ALG14: variants seen among roughly 807,000 people sequenced by gnomAD.
ALG14 encodes the protein ALG14 UDP-N-acetylglucosaminyltransferase subunit, also known as UDP-N-acetylglucosamine transferase subunit ALG14.
A neutral mutation model predicts 22.8 loss-of-function variants in ALG14; 17 were observed. The ratio of observed to expected loss-of-function variants is 0.75; its 90% CI spans 0.51 to 1.12. ALG14 has a LOEUF of 1.12. Ranked by LOEUF, ALG14 falls within the 50% of genes most tolerant of loss-of-function variation. The pLI is 0.00. For missense variants in ALG14, 288 were observed against 271.8 expected, an observed-to-expected ratio of 1.06 and a Z score of -0.42; for synonymous variants, 89 against 103.7, an observed-to-expected ratio of 0.86 and a Z score of 0.86.
rs150950937 is a variant in ALG14 at position 94,987,757 on chromosome 1, G to A, written c.421-4451C>T. On this transcript the variant is annotated intron_variant, in intron 3 of 3. Coordinates refer to ENST00000370205, the MANE Select transcript of ALG14 (RefSeq NM_144988.4). ...ACTCCTGATCCAGTAAAACACCCCC[G>A]CCAAATATGGGCTAAGAACTTTGGC... Among the ~76,000 whole-genome samples, 49 of 152,254 alleles carry A rather than the reference G, an allele frequency of 3.2e-4. No homozygotes were observed. The South Asian group carries it at 4.8e-3, about 15-fold the overall frequency.
At chr1:95,045,729 G>T (rs1190634246) in intron 2 of ALG14, among the ~76,000 whole-genome samples, 1 of 147,632 alleles carries the variant, frequency 6.8e-6, no homozygotes, top group Non-Finnish European at 1.5e-5. Context: ...AATAGAATTA[G>T]CATACTATAT....
chr1:94,995,286 TGAGA>T (rs1401941985), intron 3 of ALG14, among the ~76,000 whole-genome samples: 1 of 152,172 alleles, frequency 6.6e-6, no homozygotes, highest in Non-Finnish European at 1.5e-5. Context: ...TGTTTATGTG[TGAGA>T]GAGAGATACA....
At chr1:95,054,819 TGA>T (rs1674875927) in intron 2 of ALG14, among the ~76,000 whole-genome samples, 1 of 152,220 alleles carries the variant, frequency 6.6e-6, no homozygotes, top group African/African-American at 2.4e-5. Flanking sequence ...GCTCATTTGA[TGA>T]GAGTACTGTA....
At position 94,975,827 on chromosome 1, in the gene ALG14, T is replaced by A. The variant is rs768278787; in HGVS notation, c.*7249A>T. On this transcript the variant is annotated 3_prime_UTR_variant, in exon 4 of 4. Transcript: ENST00000370205. ...CATCCTGGCTAACACAGTGAAACCC[T>A]GTCTCTACTAAAAATACAAAAAAAA... 1 of 151,326 alleles carries A rather than the reference T, an allele frequency of 6.6e-6. No individual in the cohort carries two copies. The highest frequency in any genetic ancestry group is 1.5e-5 in the Non-Finnish European group (1 of 67,902). The allele number at this position is 151,326 out of a possible 1,614,324, so 9.4% of individuals were successfully genotyped here. A position where few individuals can be genotyped will look rare whatever the true frequency, so the allele number is the denominator to read the frequency against.
At chr1:95,046,973 A>AAACATAACATAACATAACATAACAT (rs56232245) in intron 2 of ALG14, among the ~76,000 whole-genome samples, 12 of 144,704 alleles carry the variant, frequency 8.3e-5, no homozygotes, top group East Asian at 2.1e-4. Context: ...TCTCACAAAA[A>AAACATAACATAACATAACATAACAT]AACATAACAT....
chr1:95,028,065 G>A (rs1016899067), intron 2 of ALG14, among the ~76,000 whole-genome samples: 5 of 152,218 alleles, frequency 3.3e-5, no homozygotes, highest in African/African-American at 1.2e-4. Context: ...AGTGAATCAT[G>A]CAAGTTGGAA....
At chr1:94,985,635 T>C (rs1373251949) in intron 3 of ALG14, among the ~76,000 whole-genome samples, 1 of 152,218 alleles carries the variant, frequency 6.6e-6, no homozygotes, top group African/African-American at 2.4e-5. Flanking sequence ...AATCCATGTG[T>C]TCATTTCAAC....
chr1:95,066,772 G>A (rs1278104024), intron 1 of ALG14, among the ~76,000 whole-genome samples: 1 of 152,022 alleles, frequency 6.6e-6, no homozygotes, highest in African/African-American at 2.4e-5. Flanking sequence ...GGTGGCTCAT[G>A]CCTGTAATCC....
intron 2 of ALG14, among the ~76,000 whole-genome samples, chr1:95,055,925 G>A (rs1674915642): frequency 3.4e-5 from 5 of 148,670 alleles, no homozygotes; most frequent in Admixed American, 3.4e-4. Flanking sequence ...CAGGAGAATG[G>A]CATGAACCCA....
intron 3 of ALG14, among the ~76,000 whole-genome samples, chr1:95,009,691 G>T (rs187346256): frequency 6.6e-6 from 1 of 152,308 alleles, no homozygotes; most frequent in African/African-American, 2.4e-5. Flanking sequence ...TCACAGGTTG[G>T]AGGAGACTAA....
At position 94,991,853 on chromosome 1, in the gene ALG14, C is replaced by CTT. The variant is rs36061520; in HGVS notation, c.421-8549_421-8548dup. ...AGGTGAACAAAAAGATTTTTTATAT[C>CTT]TTTTTTTTTAACTTTTAAGCCTTTT... On this transcript the variant is annotated intron_variant, in intron 3 of 3. Transcript: ENST00000370205. Among the ~76,000 whole-genome samples the CTT allele has an allele frequency of 1.0e-3, 157 of 150,994 alleles. 4 individuals carry two copies. The South Asian group carries it at 0.022, about 21-fold the overall frequency.
intron 2 of ALG14, among the ~76,000 whole-genome samples, chr1:95,042,577 T>C (rs1015260706): frequency 6.6e-6 from 1 of 152,212 alleles, no homozygotes; most frequent in African/African-American, 2.4e-5. Flanking sequence ...GAGTCTCCCT[T>C]TTGGGTGCCC....
At chr1:95,010,386 C>T (rs1673331441) in intron 3 of ALG14, among the ~76,000 whole-genome samples, 3 of 152,192 alleles carry the variant, frequency 2.0e-5, no homozygotes, top group African/African-American at 7.2e-5. Flanking sequence ...GACTCATTTG[C>T]CCAAGTTAGA....
At chr1:95,030,073 G>A (rs1023227001) in intron 2 of ALG14, among the ~76,000 whole-genome samples, 14 of 152,190 alleles carry the variant, frequency 9.2e-5, no homozygotes, top group African/African-American at 3.4e-4. Flanking sequence ...AAGCAGTACT[G>A]TAGAGTCAAA....
Position 94,975,390 on chromosome 1 carries a change from T to TTC in ALG14, c.*7684_*7685dup, listed in dbSNP as rs1234485118. The TTC allele has an allele frequency of 6.6e-6, 1 of 152,262 alleles. No individual in the cohort carries two copies. The highest frequency in any genetic ancestry group is 1.5e-5 in the Non-Finnish European group (1 of 68,054). 9.4% of individuals were successfully genotyped at this position (152,262 alleles called of 1,614,324 possible). A position where few individuals can be genotyped will look rare whatever the true frequency, so the allele number is the denominator to read the frequency against. On this transcript the variant is annotated 3_prime_UTR_variant, in exon 4 of 4. Transcript: ENST00000370205. ...GGATATACCACATTTTGTTTATCTG[T>TTC]TCATTAGTAGAGCATTTGGGTTGTT...
chr1:95,044,728 T>G (rs1674490382), intron 2 of ALG14, among the ~76,000 whole-genome samples: 1 of 152,220 alleles, frequency 6.6e-6, no homozygotes, highest in Non-Finnish European at 1.5e-5. Flanking sequence ...TGTCTGGTAT[T>G]ACTGTCTTCT....
intron 3 of ALG14, among the ~76,000 whole-genome samples, chr1:95,016,698 T>C (rs1673503049): frequency 6.6e-6 from 1 of 152,254 alleles, no homozygotes; most frequent in Middle Eastern, 3.4e-3. Flanking sequence ...TTATATGGCA[T>C]GCATTTAGTC....
chr1:95,035,438 CTG>C (rs1411029007), intron 2 of ALG14, among the ~76,000 whole-genome samples: 1 of 152,220 alleles, frequency 6.6e-6, no homozygotes, highest in Non-Finnish European at 1.5e-5. Flanking sequence ...CCATAGTACT[CTG>C]TATGCCCACA....
At chr1:95,015,056 G>C (rs1259881557) in intron 3 of ALG14, among the ~76,000 whole-genome samples, 1 of 152,172 alleles carries the variant, frequency 6.6e-6, no homozygotes, top group Non-Finnish European at 1.5e-5. Context: ...TGATAACAAA[G>C]AGGGCAGAAC....
Sources: allele counts gnomAD v4.1 joint callset (sites outside exome capture counted in the v4.1 genomes callset), GRCh38; gene constraint gnomAD v4.1.1; transcripts MANE v1.5; gene names NCBI Gene and HGNC (gene_info 2026-07-23, HGNC 2026-07-21).